VIT: variants seen among roughly 807,000 people sequenced by gnomAD.
VIT encodes vitrin.
A neutral mutation model predicts 78.0 loss-of-function variants in VIT; 99 were observed. That is an observed-to-expected ratio of 1.27 (90% CI 1.08 to 1.50). The LOEUF is 1.50. VIT is among the 40% of genes most tolerant of loss of function. The probability of loss-of-function intolerance (pLI) is 0.00; values close to 1 mark genes in which losing one functional copy is unlikely to be tolerated. For synonymous variants in VIT, 374 were observed against 334.3 expected, an observed-to-expected ratio of 1.12 and a Z score of -1.29; for missense variants, 1,126 against 875.3, an observed-to-expected ratio of 1.29 and a Z score of -3.61.
chr2:36,787,094 T>C, intron 11 of VIT, 35 bp from the exon 12 acceptor site: 2 of 1,611,800 alleles, frequency 1.2e-6, no homozygotes, highest in South Asian at 1.1e-5. Flanking sequence ...CAGTGAGAGA[T>C]CATGAGAATA....
Position 36,767,120 on chromosome 2 carries a change from C to T in VIT, c.514C>T (p.Pro172Ser), listed in dbSNP as rs749311723. Reference sequence around the variant, plus strand: ...TGAGACCACAAAAGCCTATCAGAGGCCACCTATTCCAGGGACAACTGCACA... The same window carrying T: ...TGAGACCACAAAAGCCTATCAGAGGTCACCTATTCCAGGGACAACTGCACA... The part of the protein sequence containing the change: ...AGETTKAYQR[P>S]PIPGTTAQPV... The change falls in exon 7 of 16, where the codon CCA becomes TCA. Residue 172 changes from proline to serine, a missense_variant. By Grantham distance (74) the Pro-to-Ser change is moderately conservative (BLOSUM62 -1). Coordinates refer to ENST00000379242, the MANE Select transcript of VIT (RefSeq NM_053276.4). 1.1e-5 allele frequency: 17 copies of T among 1,603,592 alleles called. No individual in the cohort carries two copies. The highest frequency in any genetic ancestry group is 1.4e-5 in the Non-Finnish European group (16 of 1,175,646).
At chr2:36,791,837 T>A (rs75689624) in intron 12 of VIT, among the ~76,000 whole-genome samples, 10,505 of 152,226 alleles carry the variant, frequency 0.069, 393 homozygotes, top group African/African-American at 0.086. Context: ...GTTTGTGTTG[T>A]TTAAGCCACC....
At chr2:36,717,998 C>A (rs941609094) in intron 2 of VIT, among the ~76,000 whole-genome samples, 1 of 152,148 alleles carries the variant, frequency 6.6e-6, no homozygotes, top group East Asian at 1.9e-4. Context: ...ATGTATCACC[C>A]TAATCGCTGC....
In VIT at chr2:36,814,246, C is replaced by T. The variant is rs371689355; in HGVS notation, c.1967C>T (p.Thr656Ile). The change falls in exon 16 of 16, where the codon ACT (threonine) becomes ATT (isoleucine). Residue 656 changes from threonine to isoleucine, a missense_variant. Thr to Ile is a moderately conservative substitution (Grantham distance 89, BLOSUM62 -1). Transcript: ENST00000379242. ...AAQEELEVIA[T>I]HPARDHSFFV... ...CAAGAGGAGCTAGAAGTCATTGCCA[C>T]TCACCCCGCCAGAGACCACTCCTTC... is the stretch of plus-strand genomic sequence containing the variant. The T allele has an allele frequency of 2.2e-5, 36 of 1,614,248 alleles. No individual in the cohort carries two copies. Among genetic ancestry groups the T allele is most frequent in the Non-Finnish European group, 3.0e-5 (35 of 1,180,042 alleles).
chr2:36,808,162 C>T (rs1176467478), intron 14 of VIT, among the ~76,000 whole-genome samples: 1 of 152,160 alleles, frequency 6.6e-6, no homozygotes, highest in Non-Finnish European at 1.5e-5. Context: ...AGGAGGAGCC[C>T]GGAGAAGCAT....
In VIT at chr2:36,808,577, C is replaced by G; in HGVS notation, c.1495C>G (p.Leu499Val). Residue 499 changes from leucine to valine, a missense_variant, in exon 15 of 16, where the codon CTG becomes GTG. Physicochemically the swap from Leu to Val is conservative, Grantham distance 32. Coordinates refer to ENST00000379242, the MANE Select transcript of VIT (RefSeq NM_053276.4). ...LVKRVCDTDR[L>V]ACSKTCLNSA... The stretch of plus-strand genomic sequence containing the variant: ...GAAGCGGGTCTGCGACACTGACCGC[C>G]TGGCCTGCAGCAAGACCTGCTTGAA... The G allele has an allele frequency of 6.2e-7, 1 of 1,614,144 alleles. No homozygotes were observed. The highest frequency in any genetic ancestry group is 8.5e-7 in the Non-Finnish European group (1 of 1,180,040).
chr2:36,757,456 A>G lies in VIT; in HGVS notation c.410-1513A>G, dbSNP rs539349219. On this transcript the variant is annotated intron_variant, in intron 5 of 15. Transcript: ENST00000379242. ...GCTCATGCTCCTTTTCCTTCTGAATAGAAACAGAAAAAAAAATCACGTTTT... is the reference window on the plus strand; with the variant it reads ...GCTCATGCTCCTTTTCCTTCTGAATGGAAACAGAAAAAAAAATCACGTTTT... Among the ~76,000 whole-genome samples, 4 of 39,996 alleles carry G rather than the reference A, an allele frequency of 1.0e-4. No homozygotes were observed. The East Asian group carries it at 2.7e-3, about 27-fold the overall frequency. The allele number at this position is 39,996 out of a possible 152,430, so 26.2% of individuals were successfully genotyped here. A position where few individuals can be genotyped will look rare whatever the true frequency, so the allele number is the denominator to read the frequency against.
At chr2:36,707,809 C>T (rs1454039489) in intron 1 of VIT, among the ~76,000 whole-genome samples, 1 of 151,830 alleles carries the variant, frequency 6.6e-6, no homozygotes, top group Non-Finnish European at 1.5e-5. Context: ...GCAAAATTTC[C>T]CCTGCCTTCC....
chr2:36,737,215 A>G (rs951075706), intron 3 of VIT, among the ~76,000 whole-genome samples: 35 of 152,190 alleles, frequency 2.3e-4, no homozygotes, highest in African/African-American at 7.2e-4. Context: ...AGGTGGACTA[A>G]GCCCACATAC....
At position 36,773,830 on chromosome 2, in the gene VIT, G is replaced by T; in HGVS notation, c.719G>T (p.Arg240Met). The change falls in exon 8 of 16, where the codon AGG (arginine) becomes ATG (methionine). Residue 240 changes from arginine (R) to methionine (M), a missense_variant. Physicochemically the swap from Arg to Met is moderately conservative, Grantham distance 91. Coordinates refer to ENST00000379242, the MANE Select transcript of VIT (RefSeq NM_053276.4). ...GCCACCTACACAAGCAGCCAAAACA[G>T]GCCCAGAGCTGATCCAGGTAAGACC... ...STATYTSSQNRPRADPGIQRQ... is the reference protein window; with the variant it reads ...STATYTSSQNMPRADPGIQRQ... 6.2e-7 allele frequency: 1 copy of T among 1,602,802 alleles called. No individual in the cohort carries two copies. Among genetic ancestry groups the T allele is most frequent in the Non-Finnish European group, 8.5e-7 (1 of 1,173,338 alleles).
At chr2:36,737,168 T>G (rs958169224) in intron 3 of VIT, among the ~76,000 whole-genome samples, 2 of 152,020 alleles carry the variant, frequency 1.3e-5, no homozygotes, top group Non-Finnish European at 2.9e-5. Context: ...GAAAAATAAG[T>G]GAATTTTTAC....
At chr2:36,712,565 G>GT (rs1231758956) in intron 1 of VIT, among the ~76,000 whole-genome samples, 2 of 152,066 alleles carry the variant, frequency 1.3e-5, no homozygotes, top group African/African-American at 4.8e-5. Flanking sequence ...TTGGCCGGGG[G>GT]TGGTGGCTCA....
intron 15 of VIT, among the ~76,000 whole-genome samples, chr2:36,809,990 CAA>C (rs36123287): frequency 1.5e-4 from 15 of 100,720 alleles, no homozygotes; most frequent in African/African-American, 2.0e-4. Context: ...GATCCTGTCT[CAA>C]AAAAAAAAAA....
chr2:36,768,709 A>T (rs2148589340), intron 7 of VIT, among the ~76,000 whole-genome samples: 1 of 152,298 alleles, frequency 6.6e-6, no homozygotes, highest in South Asian at 2.1e-4. Context: ...TCCCTGCCAA[A>T]AATGAACACC....
Position 36,808,550 on chromosome 2 carries a change from G to A in VIT, c.1468G>A (p.Val490Met), listed in dbSNP as rs1235452078. ...CCTCCACAAGACCCTGCAGCCTCTGGTGAAGCGGGTCTGCGACACTGACCG... is the reference window on the plus strand; with the variant it reads ...CCTCCACAAGACCCTGCAGCCTCTGATGAAGCGGGTCTGCGACACTGACCG... ...FGLHKTLQPL[V>M]KRVCDTDRLA... The change falls in exon 15 of 16, where the codon GTG becomes ATG. Residue 490 changes from valine to methionine, a missense_variant. Coordinates refer to ENST00000379242, the MANE Select transcript of VIT (RefSeq NM_053276.4). 2 of 1,614,090 alleles carry A rather than the reference G, an allele frequency of 1.2e-6. No individual in the cohort carries two copies. The highest frequency in any genetic ancestry group is 1.7e-6 in the Non-Finnish European group (2 of 1,180,032).
chr2:36,757,476 C>T (rs760658360), intron 5 of VIT, among the ~76,000 whole-genome samples: 5 of 151,604 alleles, frequency 3.3e-5, no homozygotes, highest in Admixed American at 1.3e-4. Context: ...AAAAAAATCA[C>T]GTTTTAGATC....
intron 2 of VIT, among the ~76,000 whole-genome samples, chr2:36,721,862 T>G (rs1558514294): frequency 6.6e-6 from 1 of 152,220 alleles, no homozygotes; most frequent in Admixed American, 6.5e-5. Flanking sequence ...AGCACTTCCT[T>G]GGTGTCCTGT....
chr2:36,803,982 G>C (rs910485184), intron 13 of VIT, among the ~76,000 whole-genome samples: 3 of 152,122 alleles, frequency 2.0e-5, no homozygotes, highest in Non-Finnish European at 4.4e-5. Flanking sequence ...TAGGGTGAAC[G>C]GTCATCCCAG....
chr2:36,728,441 A>C (rs1666987394), intron 2 of VIT, among the ~76,000 whole-genome samples: 1 of 152,148 alleles, frequency 6.6e-6, no homozygotes. Context: ...GCGTTATTAC[A>C]AAAGAGTCAA....
Sources: allele counts gnomAD v4.1 joint callset (sites outside exome capture counted in the v4.1 genomes callset), GRCh38; gene constraint gnomAD v4.1.1; transcripts MANE v1.5; gene names NCBI Gene and HGNC (gene_info 2026-07-23, HGNC 2026-07-21).